The following SPATA9 variants were observed in gnomAD, a reference collection of about 807,000 sequenced individuals.
SPATA9 encodes spermatogenesis associated 9.
SPATA9 carries 27 observed loss-of-function variants against 25.5 expected under a neutral mutation model. That is an observed-to-expected ratio of 1.06 (90% CI 0.78 to 1.46). The LOEUF is 1.46. SPATA9 is among the 40% of genes most tolerant of loss of function. The pLI, the probability that SPATA9 is intolerant of heterozygous loss-of-function variation, is 0.00. For synonymous variants in SPATA9, 102 were observed against 105.7 expected, an observed-to-expected ratio of 0.97 and a Z score of 0.21; for missense variants, 282 against 297.5, an observed-to-expected ratio of 0.95 and a Z score of 0.38.
chr5:95,664,728 T>C (rs1016600869), intron 3 of SPATA9, among the ~76,000 whole-genome samples: 1 of 152,206 alleles, frequency 6.6e-6, no homozygotes, highest in South Asian at 2.1e-4. Flanking sequence ...ATGAGGACTT[T>C]AGGAAATACA....
chr5:95,731,004 A>C, the SPATA9 span: 3 of 668,220 alleles, frequency 4.5e-6, no homozygotes, highest in Non-Finnish European at 6.9e-6. Flanking sequence ...GTCCGGAGTG[A>C]GCGGGGGCCC....
At chr5:95,690,622 C>A (rs1033866751) in intron 1 of SPATA9, among the ~76,000 whole-genome samples, 1 of 152,078 alleles carries the variant, frequency 6.6e-6, no homozygotes, top group Non-Finnish European at 1.5e-5. Context: ...ATTGACATCA[C>A]TAATATGGGA....
the SPATA9 span, chr5:95,732,027 G>T: frequency 1.2e-6 from 2 of 1,614,202 alleles, no homozygotes; most frequent in Non-Finnish European, 1.7e-6. Context: ...TGTTCACCGA[G>T]TATCAGGCCA....
the SPATA9 span, among the ~76,000 whole-genome samples, chr5:95,723,899 G>A: frequency 1.3e-5 from 2 of 152,098 alleles, no homozygotes; most frequent in Non-Finnish European, 2.9e-5. Context: ...GAAAAAATGT[G>A]AGCACACTCC....
the SPATA9 span, among the ~76,000 whole-genome samples, chr5:95,723,275 G>A: frequency 6.6e-6 from 1 of 152,210 alleles, no homozygotes; most frequent in African/African-American, 2.4e-5. Context: ...GCCATCCTGG[G>A]CCACATGCGG....
In SPATA9 at chr5:95,653,240, A is replaced by G. The variant is rs532387642; in HGVS notation, c.*448-31T>C. On this transcript the variant is annotated intron_variant and NMD_transcript_variant, in intron 8 of 8. Transcript: ENST00000316087. Reference sequence around the variant, plus strand: ...GTAAGAAAATGAAAGGTTTTCATTCATACCCACCTTCTCTTGCTGTAATAG... The same window carrying G: ...GTAAGAAAATGAAAGGTTTTCATTCGTACCCACCTTCTCTTGCTGTAATAG... 5.8e-6 allele frequency: 9 copies of G among 1,551,362 alleles called. No homozygotes were observed. The East Asian group carries it at 1.2e-4, about 21-fold the overall frequency.
chr5:95,681,846 T>C lies in SPATA9; in HGVS notation c.150+682A>G, dbSNP rs1251085773. On this transcript the variant is annotated intron_variant, in intron 2 of 4. Transcript: ENST00000274432. ...GTCTGACTTCTGGATAAGTGGATTG[T>C]TCCTGTACCATGTACCTTCACAGCA... Among the ~76,000 whole-genome samples the C allele has an allele frequency of 2.6e-5, 4 of 152,228 alleles. No homozygotes were observed. In the South Asian group the frequency reaches 6.2e-4, roughly 24 times the overall value.
At chr5:95,660,754 C>T (rs1751186225) in intron 4 of SPATA9, among the ~76,000 whole-genome samples, 2 of 152,316 alleles carry the variant, frequency 1.3e-5, no homozygotes, top group South Asian at 2.1e-4. Context: ...CAGGAATGAA[C>T]GGTCTTGATC....
chr5:95,696,315 A>G (rs1754020651), intron 1 of SPATA9, among the ~76,000 whole-genome samples: 1 of 152,252 alleles, frequency 6.6e-6, no homozygotes, highest in African/African-American at 2.4e-5. Context: ...AACATTTTCT[A>G]TGAAAAATAA....
intron 1 of SPATA9, 65 bp from the exon 2 acceptor site, chr5:95,682,681 C>T (rs1753568756): frequency 2.0e-6 from 3 of 1,510,788 alleles, no homozygotes; most frequent in Non-Finnish European, 2.7e-6. Flanking sequence ...TTCAAAAGAA[C>T]ATGAAACACT....
At chr5:95,716,039 A>C in the SPATA9 span, among the ~76,000 whole-genome samples, 1 of 152,250 alleles carries the variant, frequency 6.6e-6, no homozygotes. Flanking sequence ...AAAATACAAA[A>C]GTGTGAAAAC....
upstream of SPATA9, among the ~76,000 whole-genome samples, chr5:95,687,722 T>C (rs992728198): frequency 6.6e-6 from 1 of 152,204 alleles, no homozygotes; most frequent in Non-Finnish European, 1.5e-5. Flanking sequence ...TCGGCAACAT[T>C]AGCATTGTTA....
chr5:95,731,492 G>A, the SPATA9 span: 2 of 1,240,592 alleles, frequency 1.6e-6, no homozygotes, highest in Middle Eastern at 3.0e-4. Context: ...AGCCCGCCCT[G>A]GTCCCCGGCT....
chr5:95,696,820 C>A (rs766098273), intron 1 of SPATA9, among the ~76,000 whole-genome samples: 1 of 152,188 alleles, frequency 6.6e-6, no homozygotes, highest in Non-Finnish European at 1.5e-5. Context: ...TGCACCACTG[C>A]ACTCCAAGCC....
chr5:95,715,556 G>C, the SPATA9 span, among the ~76,000 whole-genome samples: 5 of 152,066 alleles, frequency 3.3e-5, no homozygotes, highest in Non-Finnish European at 7.4e-5. Flanking sequence ...AAAGAAAATT[G>C]TTTTCCTGTT....
upstream of SPATA9, among the ~76,000 whole-genome samples, chr5:95,685,985 C>A (rs1180586423): frequency 6.6e-6 from 1 of 152,064 alleles, no homozygotes; most frequent in African/African-American, 2.4e-5. Flanking sequence ...TACAGGCACC[C>A]GCGACCACGC....
At chr5:95,675,742 G>A (rs932906581) in intron 2 of SPATA9, 103 bp from the exon 3 acceptor site, 13 of 857,674 alleles carry the variant, frequency 1.5e-5, no homozygotes, top group East Asian at 2.6e-5. Flanking sequence ...ATTGTGCATG[G>A]TGTCATGCAT....
At chr5:95,704,091 T>C in the SPATA9 span, among the ~76,000 whole-genome samples, 2 of 152,000 alleles carry the variant, frequency 1.3e-5, no homozygotes, top group African/African-American at 4.8e-5. Context: ...AAACACACAG[T>C]CTCACTTTGA....
At chr5:95,657,756 G>T (rs1284494963), downstream of SPATA9, 1 of 152,072 alleles carries the variant, frequency 6.6e-6, no homozygotes, top group Non-Finnish European at 1.5e-5. Flanking sequence ...CCAGACTTGG[G>T]CTTTTTATAG....
Sources: allele counts gnomAD v4.1 joint callset (sites outside exome capture counted in the v4.1 genomes callset), GRCh38; gene constraint gnomAD v4.1.1; transcripts MANE v1.5; gene names NCBI Gene and HGNC (gene_info 2026-07-23, HGNC 2026-07-21).